The following ZC3H11A variants were observed in gnomAD, a reference collection of about 807,000 sequenced individuals.
ZC3H11A encodes the protein zinc finger CCCH domain-containing protein 11A.
In ZC3H11A, 22 loss-of-function variants were observed where a neutral mutation model predicts 90.8. That is an observed-to-expected ratio of 0.24 (90% confidence interval 0.17 to 0.35). The LOEUF is 0.35. Among genes scored for constraint, ZC3H11A ranks in the 10% least tolerant of loss-of-function variants. The pLI is 1.00. For synonymous variants in ZC3H11A, 294 were observed against 339.8 expected (o/e 0.87, Z 1.48); for missense variants, 701 against 964.9 (o/e 0.73, Z 3.62).
intron 15 of ZC3H11A, 77 bp downstream of exon 15, chr1:203,850,103 C>T (rs1688907932): frequency 4.4e-6 from 6 of 1,364,694 alleles, no homozygotes; most frequent in Non-Finnish European, 5.0e-6. Context: ...CAGTAACTTC[C>T]TGGCAACAAT....
intron 4 of ZC3H11A, among the ~76,000 whole-genome samples, 175 bp downstream of exon 4, chr1:203,818,864 T>G (rs1677247315): frequency 6.6e-6 from 1 of 151,596 alleles, no homozygotes; most frequent in South Asian, 2.1e-4. Context: ...GGTCAGGAGA[T>G]TGAGACCATC....
At chr1:203,803,214 G>A (rs770989754) in intron 2 of ZC3H11A, among the ~76,000 whole-genome samples, 198 bp downstream of exon 2, 4 of 151,654 alleles carry the variant, frequency 2.6e-5, no homozygotes, top group East Asian at 3.8e-4. Context: ...TTTTGGAGAC[G>A]GAGTTTTACT....
intron 4 of ZC3H11A, among the ~76,000 whole-genome samples, chr1:203,819,199 CTA>C (rs1451004181): frequency 6.6e-6 from 1 of 150,436 alleles, no homozygotes; most frequent in Non-Finnish European, 1.5e-5. Context: ...CAACTTTCCT[CTA>C]TGCAATTTTT....
intron 2 of ZC3H11A, among the ~76,000 whole-genome samples, chr1:203,804,229 G>A (rs1671449909): frequency 6.8e-6 from 1 of 147,000 alleles, no homozygotes; most frequent in East Asian, 2.0e-4. Context: ...TCGATTCACT[G>A]CAAACTCCGC....
chr1:203,798,625 C>T, intron 1 of ZC3H11A: 1 of 1,536,116 alleles, frequency 6.5e-7, no homozygotes, highest in Non-Finnish European at 8.7e-7. Context: ...GACTCTGATT[C>T]AGATGAACCT....
At chr1:203,849,526 A>C (rs11240603) in intron 14 of ZC3H11A, among the ~76,000 whole-genome samples, 185 bp from the exon 15 acceptor site, 19,637 of 152,196 alleles carry the variant, frequency 0.13, 1,436 homozygotes, top group Non-Finnish European at 0.15. Context: ...ATTATTCCAT[A>C]CATCTGTAAT....
chr1:203,817,923 T>C (rs1676913966), intron 3 of ZC3H11A, among the ~76,000 whole-genome samples: 1 of 152,010 alleles, frequency 6.6e-6, no homozygotes, highest in Non-Finnish European at 1.5e-5. Context: ...CAGCTAACTG[T>C]ATTTTTAGTA....
chr1:203,829,664 G>A lies in ZC3H11A; in HGVS notation c.502+10G>A. ...GATGAAGATGATGATGGTAAGTTCT[G>A]TCTGGCTCCTTCTTTAAGGCAAATA... On this transcript the variant is annotated intron_variant, in intron 6 of 17. Transcript: ENST00000367210. 6.2e-7 allele frequency: 1 copy of A among 1,614,216 alleles called. No individual in the cohort carries two copies. Among genetic ancestry groups the A allele is most frequent in the Non-Finnish European group, 8.5e-7 (1 of 1,180,022 alleles).
intron 2 of ZC3H11A, among the ~76,000 whole-genome samples, chr1:203,812,418 C>G (rs1056296738): frequency 2.6e-5 from 4 of 152,056 alleles, no homozygotes; most frequent in Non-Finnish European, 4.4e-5. Flanking sequence ...GGATAATAGC[C>G]TCTGGCTCCA....
chr1:203,797,408 A>G (rs1668907246), intron 1 of ZC3H11A: 1 of 1,035,072 alleles, frequency 9.7e-7, no homozygotes, highest in African/African-American at 1.6e-5. Context: ...TGGGAATTTG[A>G]TTCCCCATAG....
intron 4 of ZC3H11A, among the ~76,000 whole-genome samples, chr1:203,826,644 A>G (rs1256505370): frequency 6.6e-6 from 1 of 152,002 alleles, no homozygotes; most frequent in Non-Finnish European, 1.5e-5. Context: ...TCTTTTTGTA[A>G]TGGTTATTGT....
intron 12 of ZC3H11A, among the ~76,000 whole-genome samples, chr1:203,840,929 C>T (rs955572503): frequency 1.3e-5 from 2 of 151,908 alleles, no homozygotes; most frequent in Non-Finnish European, 2.9e-5. Context: ...CCACCGCACC[C>T]GGCTAAATAG....
chr1:203,838,954 CAAAAA>C (rs59033094), intron 11 of ZC3H11A, among the ~76,000 whole-genome samples: 7 of 97,942 alleles, frequency 7.1e-5, no homozygotes, highest in African/African-American at 1.3e-4. Flanking sequence ...GACTTCATCT[CAAAAA>C]AAAAAAAAAA....
chr1:203,812,721 AC>A (rs761691896), intron 2 of ZC3H11A, among the ~76,000 whole-genome samples: 1 of 150,882 alleles, frequency 6.6e-6, no homozygotes, highest in Non-Finnish European at 1.5e-5. Flanking sequence ...AGCTGGGATT[AC>A]AGGTGTGTGC....
At chr1:203,818,469 A>G in intron 3 of ZC3H11A, 101 bp from the exon 4 acceptor site, 3 of 1,484,722 alleles carry the variant, frequency 2.0e-6, no homozygotes, top group Non-Finnish European at 1.8e-6. Flanking sequence ...GTCCTTTCTT[A>G]CTCATTTGTG....
At chr1:203,813,201 G>T (rs1248467199) in intron 2 of ZC3H11A, among the ~76,000 whole-genome samples, 2 of 150,226 alleles carry the variant, frequency 1.3e-5, no homozygotes, top group African/African-American at 5.0e-5. Flanking sequence ...ATGTTTTTTT[G>T]TTTTTTGTTT....
At chr1:203,851,672 C>T (rs1393949127) in intron 17 of ZC3H11A, among the ~76,000 whole-genome samples, 2 of 151,850 alleles carry the variant, frequency 1.3e-5, no homozygotes, top group Non-Finnish European at 2.9e-5. Flanking sequence ...TATAAAAATG[C>T]TTGGTGCTGG....
intron 12 of ZC3H11A, among the ~76,000 whole-genome samples, chr1:203,841,420 A>C (rs995904247): frequency 6.6e-6 from 1 of 151,878 alleles, no homozygotes; most frequent in East Asian, 1.9e-4. Flanking sequence ...GCCCTTAATC[A>C]ATTTAACCCT....
intron 13 of ZC3H11A, 56 bp downstream of exon 13, chr1:203,847,743 T>C (rs762925955): frequency 9.6e-6 from 15 of 1,563,142 alleles, no homozygotes; most frequent in Non-Finnish European, 1.3e-5. Flanking sequence ...TCCAGAGGAG[T>C]GTTCCGTGGG....
Sources: gnomAD v4.1 joint callset for allele counts (sites outside exome capture counted in the v4.1 genomes callset) on GRCh38, gnomAD v4.1.1 for gene constraint, MANE v1.5 for transcripts, NCBI Gene and HGNC (gene_info 2026-07-23, HGNC 2026-07-21) for gene names.